DNAJC17: variants seen among roughly 807,000 people sequenced by gnomAD.
The protein encoded by DNAJC17 is DnaJ heat shock protein family (Hsp40) member C17, also known as dnaJ homolog subfamily C member 17.
DNAJC17 carries 35 observed loss-of-function variants against 48.1 expected under a neutral mutation model. That is an observed-to-expected ratio of 0.73 (90% CI 0.56 to 0.96). DNAJC17 has a LOEUF of 0.96. Among genes scored for constraint, DNAJC17 ranks in the 50% least tolerant of loss-of-function variants. DNAJC17 has a pLI of 0.00. For synonymous variants in DNAJC17, 117 were observed against 142.7 expected, an observed-to-expected ratio of 0.82 and a Z score of 1.28; for missense variants, 355 against 377.1, an observed-to-expected ratio of 0.94 and a Z score of 0.48.
intron 1 of DNAJC17, 110 bp from the exon 2 acceptor site, chr15:40,780,107 G>T: frequency 9.3e-7 from 1 of 1,077,026 alleles, no homozygotes; most frequent in Non-Finnish European, 1.4e-6. Context: ...AAGAGAAGCT[G>T]CTGGCGCCCA....
intron 1 of DNAJC17, among the ~76,000 whole-genome samples, chr15:40,795,461 G>A (rs976890359): frequency 6.6e-6 from 1 of 152,122 alleles, no homozygotes; most frequent in African/African-American, 2.4e-5. Context: ...TTAGCACCAG[G>A]CTCAGAGTTT....
chr15:40,786,960 T>G (rs1186122924), intron 1 of DNAJC17, among the ~76,000 whole-genome samples: 1 of 152,248 alleles, frequency 6.6e-6, no homozygotes, highest in Non-Finnish European at 1.5e-5. Flanking sequence ...AACTACTGAA[T>G]AGTATGACAC....
rs555395913 is a variant in DNAJC17, at chr15:40,797,791, G to A, written c.78+9578C>T. 1.5e-4 allele frequency among the ~76,000 whole-genome samples: 21 copies of A among 140,192 alleles called. 1 individual carries two copies. In the South Asian group the frequency reaches 4.3e-3, roughly 28 times the overall value. 92.0% of individuals were successfully genotyped at this position (140,192 alleles called of 152,430 possible). Reference sequence around the variant, plus strand: ...GGCTGGAGGGCAGTAGCACAATCTCGGCTCACTGCAACCTCCGCCTCCTGG... The same window carrying A: ...GGCTGGAGGGCAGTAGCACAATCTCAGCTCACTGCAACCTCCGCCTCCTGG... On this transcript the variant is annotated intron_variant, in intron 1 of 10. Transcript: ENST00000220496.
chr15:40,804,172 G>A (rs559344358), intron 1 of DNAJC17, among the ~76,000 whole-genome samples: 22 of 151,832 alleles, frequency 1.4e-4, no homozygotes, highest in African/African-American at 3.4e-4. Flanking sequence ...CTCTCACTAC[G>A]TTTCCCAGGC....
chr15:40,775,234 A>G, intron 7 of DNAJC17, 126 bp from the exon 8 acceptor site: 1 of 1,042,580 alleles, frequency 9.6e-7, no homozygotes. Context: ...CAATCTGGGG[A>G]GTGCCACCAG....
chr15:40,782,291 C>A (rs969509331), intron 1 of DNAJC17, among the ~76,000 whole-genome samples: 1 of 151,902 alleles, frequency 6.6e-6, no homozygotes, highest in East Asian at 1.9e-4. Flanking sequence ...CATAGTGGTG[C>A]GTGCCTGCAG....
At chr15:40,799,224 C>CAAAAAA (rs34609538) in intron 1 of DNAJC17, among the ~76,000 whole-genome samples, 3 of 44,380 alleles carry the variant, frequency 6.8e-5, no homozygotes, top group Non-Finnish European at 1.4e-4. Flanking sequence ...GACTCCATCT[C>CAAAAAA]AAAAAAAAAA....
chr15:40,776,727 G>A (rs1343711531), intron 4 of DNAJC17, 100 bp from the exon 5 acceptor site: 12 of 1,176,584 alleles, frequency 1.0e-5, no homozygotes, highest in East Asian at 4.7e-5. Context: ...TCTCAATCAC[G>A]ACGAGATCAT....
chr15:40,794,594 C>A (rs1177511036), intron 1 of DNAJC17, among the ~76,000 whole-genome samples: 1 of 151,992 alleles, frequency 6.6e-6, no homozygotes, highest in East Asian at 1.9e-4. Flanking sequence ...ATCACCTGAG[C>A]CCAGGAAGTC....
At chr15:40,797,026 C>CA (rs1889953863) in intron 1 of DNAJC17, among the ~76,000 whole-genome samples, 1 of 152,128 alleles carries the variant, frequency 6.6e-6, no homozygotes, top group Admixed American at 6.5e-5. Flanking sequence ...CTCAGTCTCC[C>CA]AAAGTGCTGG....
At position 40,776,289 on chromosome 15, in the gene DNAJC17, C is replaced by A; in HGVS notation, c.385G>T (p.Glu129Ter). The A allele has an allele frequency of 6.2e-7, 1 of 1,613,970 alleles. No individual in the cohort carries two copies. Among genetic ancestry groups the A allele is most frequent in the Non-Finnish European group, 8.5e-7 (1 of 1,179,950 alleles). The change falls in exon 6 of 11, where the codon GAA becomes TAA. Residue 129 changes from glutamate (E) to a stop codon, truncating the protein, a stop_gained. Transcript: ENST00000220496. LOFTEE classifies it high-confidence loss of function. ...CGGGAACCCTCTTCTCTCAGGCGTT[C>A]GATCTGCAGAGCAGGGGGTGGGGGT... ...RSTRTLEQEI[E>*]RLREEGSRQL...
Position 40,765,574 on chromosome 15 carries a change from T to A in DNAJC17, c.*2366A>T, listed in dbSNP as rs1888929255. The A allele has an allele frequency of 3.2e-6, 1 of 310,360 alleles. No homozygotes were observed. Among genetic ancestry groups the A allele is most frequent in the Non-Finnish European group, 5.9e-6 (1 of 170,338 alleles). 19.2% of individuals were successfully genotyped at this position (310,360 alleles called of 1,614,324 possible). A position where few individuals can be genotyped will look rare whatever the true frequency, so the allele number is the denominator to read the frequency against. On this transcript the variant is annotated 3_prime_UTR_variant, in exon 11 of 11. Coordinates refer to ENST00000220496, the MANE Select transcript of DNAJC17 (RefSeq NM_018163.3). ...CCACCTCAGCCTCAGTAGCTGGAAC[T>A]ATAGGCTCGTGATACTTTGCCTGGC...
At chr15:40,800,355 A>AC (rs1160359957) in intron 1 of DNAJC17, among the ~76,000 whole-genome samples, 1 of 152,178 alleles carries the variant, frequency 6.6e-6, no homozygotes, top group East Asian at 1.9e-4. Context: ...GGCGTGTGCC[A>AC]CCGCACCTGG....
In DNAJC17 at chr15:40,767,763, G is replaced by A; in HGVS notation, c.*177C>T. Reference sequence around the variant, plus strand: ...CTCTGGGACTCTCACCCTGCGGAGCGTTTCCCTGGGGGTCTGCCCACTTCC... The same window carrying A: ...CTCTGGGACTCTCACCCTGCGGAGCATTTCCCTGGGGGTCTGCCCACTTCC... On this transcript the variant is annotated 3_prime_UTR_variant, in exon 11 of 11. Coordinates refer to ENST00000220496, the MANE Select transcript of DNAJC17 (RefSeq NM_018163.3). The A allele has an allele frequency of 1.1e-6, 1 of 878,154 alleles. No individual in the cohort carries two copies. The highest frequency in any genetic ancestry group is 1.8e-5 in the South Asian group (1 of 54,612). The allele number at this position is 878,154 out of a possible 1,614,324, so 54.4% of individuals were successfully genotyped here.
At chr15:40,803,233 A>G (rs1890119099) in intron 1 of DNAJC17, among the ~76,000 whole-genome samples, 1 of 151,742 alleles carries the variant, frequency 6.6e-6, no homozygotes, top group South Asian at 2.1e-4. Flanking sequence ...CAAATTGAGA[A>G]CTCCTAGGCT....
intron 10 of DNAJC17, among the ~76,000 whole-genome samples, chr15:40,768,913 G>A (rs1055710059): frequency 1.3e-5 from 2 of 152,280 alleles, no homozygotes; most frequent in African/African-American, 4.8e-5. Flanking sequence ...ATTGCAAGAT[G>A]CGGTGGCCTG....
intron 10 of DNAJC17, among the ~76,000 whole-genome samples, chr15:40,772,604 G>A (rs1889181859): frequency 6.6e-6 from 1 of 152,234 alleles, no homozygotes; most frequent in Non-Finnish European, 1.5e-5. Flanking sequence ...AGTCACCCCA[G>A]TCAAGTGGAG....
chr15:40,806,250 G>GCCC (rs1890219209), intron 1 of DNAJC17, among the ~76,000 whole-genome samples: 1 of 133,700 alleles, frequency 7.5e-6, no homozygotes, highest in Non-Finnish European at 1.5e-5. Flanking sequence ...AGACAGTCTC[G>GCCC]CTCTGTCGCC....
chr15:40,768,739 G>A (rs1055741409), intron 10 of DNAJC17, among the ~76,000 whole-genome samples: 1 of 152,222 alleles, frequency 6.6e-6, no homozygotes, highest in Non-Finnish European at 1.5e-5. Flanking sequence ...GCTCTACAGC[G>A]GGACCTAAGC....
Sources: gnomAD v4.1 joint callset for allele counts (sites outside exome capture counted in the v4.1 genomes callset) on GRCh38, gnomAD v4.1.1 for gene constraint, MANE v1.5 for transcripts, NCBI Gene and HGNC (gene_info 2026-07-23, HGNC 2026-07-21) for gene names.